NKAIN2: variants seen among roughly 807,000 people sequenced by gnomAD.
NKAIN2 encodes sodium/potassium transporting ATPase interacting 2, also known as sodium/potassium-transporting ATPase subunit beta-1-interacting protein 2.
NKAIN2 carries 14 observed loss-of-function variants against 32.6 expected under a neutral mutation model. The ratio of observed to expected loss-of-function variants is 0.43; its 90% CI spans 0.28 to 0.67. The LOEUF is 0.67. Among genes scored for constraint, NKAIN2 ranks in the 30% least tolerant of loss-of-function variants. NKAIN2 has a pLI of 0.17. For missense variants in NKAIN2, 198 were observed against 258.3 expected (o/e 0.77, Z 1.60); for synonymous variants, 80 against 87.2 (o/e 0.92, Z 0.46).
intron 3 of NKAIN2, among the ~76,000 whole-genome samples, chr6:124,542,093 G>A (rs4896417): frequency 0.21 from 31,671 of 151,720 alleles, 3,536 homozygotes; most frequent in African/African-American, 0.28. Flanking sequence ...AAAAAGTAAG[G>A]GAAATAGATA....
intron 1 of NKAIN2, among the ~76,000 whole-genome samples, chr6:124,111,414 G>T (rs1280641295): frequency 6.6e-6 from 1 of 151,808 alleles, no homozygotes; most frequent in Admixed American, 6.6e-5. Context: ...GTTTATCATG[G>T]CCCTATCTTC....
At chr6:124,374,041 C>T (rs9388328) in intron 3 of NKAIN2, among the ~76,000 whole-genome samples, 20,615 of 151,882 alleles carry the variant, frequency 0.14, 1,493 homozygotes, top group African/African-American at 0.19. Context: ...CATAGTGAGA[C>T]GGAGAAACTG....
intron 1 of NKAIN2, among the ~76,000 whole-genome samples, chr6:123,920,459 C>A (rs1775699256): frequency 6.6e-6 from 1 of 152,032 alleles, no homozygotes; most frequent in African/African-American, 2.4e-5. Context: ...TTTTCAGAAG[C>A]ACAAAAACCT....
intron 3 of NKAIN2, among the ~76,000 whole-genome samples, chr6:124,422,756 T>C (rs62436335): frequency 0.046 from 7,019 of 152,338 alleles, 275 homozygotes; most frequent in Non-Finnish European, 0.066. Context: ...TAGAATTGCA[T>C]TGAGCCAAGA....
chr6:124,129,952 A>G (rs1355573322), intron 1 of NKAIN2, among the ~76,000 whole-genome samples: 1 of 152,148 alleles, frequency 6.6e-6, no homozygotes, highest in Non-Finnish European at 1.5e-5. Flanking sequence ...TTTATAATGT[A>G]CTTATCTCAT....
intron 4 of NKAIN2, among the ~76,000 whole-genome samples, chr6:124,753,111 G>T (rs550671238): frequency 2.0e-5 from 3 of 152,044 alleles, no homozygotes; most frequent in Non-Finnish European, 4.4e-5. Flanking sequence ...TCATTTCTCA[G>T]TTAATTAAGC....
intron 4 of NKAIN2, among the ~76,000 whole-genome samples, chr6:124,761,893 T>A (rs1183168105): frequency 6.6e-6 from 1 of 152,170 alleles, no homozygotes; most frequent in Non-Finnish European, 1.5e-5. Context: ...AGGGGAAATA[T>A]GTCTCCAAAA....
At chr6:124,480,344 T>G (rs757161074) in intron 3 of NKAIN2, among the ~76,000 whole-genome samples, 27 of 152,238 alleles carry the variant, frequency 1.8e-4, no homozygotes, top group Middle Eastern at 3.4e-3. Context: ...CATCAGCAAC[T>G]CTTACAGCTC....
At chr6:124,272,250 GA>G (rs1415690011) in intron 1 of NKAIN2, among the ~76,000 whole-genome samples, 2 of 152,190 alleles carry the variant, frequency 1.3e-5, no homozygotes, top group Non-Finnish European at 2.9e-5. Flanking sequence ...AGAGGCCTAG[GA>G]GGAAAAATTG....
chr6:124,108,126 A>T (rs192478417), intron 1 of NKAIN2, among the ~76,000 whole-genome samples: 1 of 152,108 alleles, frequency 6.6e-6, no homozygotes, highest in Non-Finnish European at 1.5e-5. Context: ...GCACTGTTTT[A>T]CATTCCCATC....
intron 1 of NKAIN2, among the ~76,000 whole-genome samples, chr6:123,886,808 G>A (rs1773737467): frequency 6.6e-6 from 1 of 152,050 alleles, no homozygotes; most frequent in South Asian, 2.1e-4. Context: ...TTCCTCAATT[G>A]ACTGTATTGA....
chr6:124,545,658 T>C (rs1055148250), intron 3 of NKAIN2, among the ~76,000 whole-genome samples: 1 of 151,072 alleles, frequency 6.6e-6, no homozygotes, highest in Non-Finnish European at 1.5e-5. Context: ...ATGTATGTAA[T>C]ATATATATAA....
chr6:124,510,032 C>T (rs1355406980), intron 3 of NKAIN2, among the ~76,000 whole-genome samples: 1 of 152,106 alleles, frequency 6.6e-6, no homozygotes, highest in Non-Finnish European at 1.5e-5. Context: ...GCCTCTTTAA[C>T]ACATGAACAA....
intron 1 of NKAIN2, among the ~76,000 whole-genome samples, chr6:123,818,341 G>A (rs1490356): frequency 0.91 from 137,506 of 150,736 alleles, 62,726 homozygotes; most frequent in East Asian, 1. Flanking sequence ...CAAATTTTCA[G>A]ACTTCTTGTG....
intron 1 of NKAIN2, among the ~76,000 whole-genome samples, chr6:124,112,172 T>A (rs1490806876): frequency 6.6e-6 from 1 of 152,186 alleles, no homozygotes; most frequent in Non-Finnish European, 1.5e-5. Flanking sequence ...TTTCTTATGC[T>A]GTCATGTTGC....
At chr6:124,111,310 C>T (rs1785374639) in intron 1 of NKAIN2, among the ~76,000 whole-genome samples, 2 of 151,968 alleles carry the variant, frequency 1.3e-5, no homozygotes, top group South Asian at 4.2e-4. Context: ...TGTGAAGTCT[C>T]CTGCTATTAT....
At chr6:123,820,246 A>G (rs974715426) in intron 1 of NKAIN2, among the ~76,000 whole-genome samples, 1 of 152,222 alleles carries the variant, frequency 6.6e-6, no homozygotes, top group Non-Finnish European at 1.5e-5. Flanking sequence ...ATTAGTGTAT[A>G]TATGGCAGTT....
At chr6:124,598,319 T>C (rs1782173607) in intron 3 of NKAIN2, among the ~76,000 whole-genome samples, 1 of 152,200 alleles carries the variant, frequency 6.6e-6, no homozygotes, top group African/African-American at 2.4e-5. Context: ...GGTTTTATCA[T>C]GATCCATAAA....
chr6:123,804,392 A>G lies in NKAIN2; in HGVS notation c.54+138A>G, dbSNP rs1773128182. ...GGTGACAGATATATTGCCTATATTGAAGATGATTTCAGGGAGACGCACTCT... is the reference window on the plus strand; with the variant it reads ...GGTGACAGATATATTGCCTATATTGGAGATGATTTCAGGGAGACGCACTCT... On this transcript the variant is annotated intron_variant, in intron 1 of 6. Coordinates refer to ENST00000368417, the MANE Select transcript of NKAIN2 (RefSeq NM_001040214.3). The G allele has an allele frequency of 5.2e-6, 4 of 771,536 alleles. No individual in the cohort carries two copies. In the East Asian group the frequency reaches 1.1e-4, roughly 20 times the overall value. The allele number at this position is 771,536 out of a possible 1,614,324, so 47.8% of individuals were successfully genotyped here.
Sources: allele counts gnomAD v4.1 joint callset (sites outside exome capture counted in the v4.1 genomes callset), GRCh38; gene constraint gnomAD v4.1.1; transcripts MANE v1.5; gene names NCBI Gene and HGNC (gene_info 2026-07-23, HGNC 2026-07-21).